MIS18A: variants seen among roughly 807,000 people sequenced by gnomAD.
MIS18A encodes the protein MIS18 kinetochore protein A, also known as protein Mis18-alpha.
Under a neutral mutation model 25.0 loss-of-function variants are expected in MIS18A, and 14 were observed. The observed-to-expected ratio is 0.56, with a 90% CI of 0.37 to 0.88. The LOEUF is 0.88. Among genes scored for constraint, MIS18A ranks in the 40% least tolerant of loss-of-function variants. The pLI is 0.00. For synonymous variants in MIS18A, 134 were observed against 118.6 expected (o/e 1.13, Z -0.84); for missense variants, 292 against 290.8 (o/e 1.00, Z -0.03).
chr21:32,174,084 C>T, the MIS18A span, among the ~76,000 whole-genome samples: 2 of 149,580 alleles, frequency 1.3e-5, no homozygotes, highest in African/African-American at 4.9e-5. Context: ...CCTACTTCAG[C>T]CTCCAGAGTA....
Sources: allele counts gnomAD v4.1 joint callset (sites outside exome capture counted in the v4.1 genomes callset), GRCh38; gene constraint gnomAD v4.1.1; transcripts MANE v1.5; gene names NCBI Gene and HGNC (gene_info 2026-07-23, HGNC 2026-07-21).